DCC: variants seen among roughly 807,000 people sequenced by gnomAD.
DCC encodes the protein netrin receptor DCC.
Under a neutral mutation model 172.5 loss-of-function variants are expected in DCC, and 58 were observed. That is an observed-to-expected ratio of 0.34 (90% CI 0.27 to 0.42). The LOEUF (loss-of-function observed/expected upper bound fraction) is 0.42. Ranked by LOEUF, DCC falls within the 10% of genes least tolerant of loss-of-function variation. The probability of loss-of-function intolerance (pLI) is 1.00; values close to 1 mark genes in which losing one functional copy is unlikely to be tolerated. For synonymous variants in DCC, 709 were observed against 644.5 expected (o/e 1.10, Z -1.52); for missense variants, 1,740 against 1,791.0 (o/e 0.97, Z 0.51).
chr18:53,302,198 ATTC>A (rs750801977), intron 12 of DCC, among the ~76,000 whole-genome samples: 1 of 152,082 alleles, frequency 6.6e-6, no homozygotes, highest in Non-Finnish European at 1.5e-5. Flanking sequence ...ATTCAGTCAG[ATTC>A]TTCTAAGATA....
intron 1 of DCC, among the ~76,000 whole-genome samples, chr18:52,736,295 AC>A (rs2036728122): frequency 6.6e-6 from 1 of 151,398 alleles, no homozygotes; most frequent in South Asian, 2.1e-4. Flanking sequence ...AAAAAAAAAA[AC>A]AGAAAAATCA....
intron 26 of DCC, among the ~76,000 whole-genome samples, chr18:53,489,118 T>TTTTA (rs2045933667): frequency 6.6e-6 from 1 of 152,200 alleles, no homozygotes; most frequent in Admixed American, 6.5e-5. Context: ...TAGAAGATGT[T>TTTTA]TTTATTTTTT....
At chr18:52,686,414 G>T (rs2035836040) in intron 1 of DCC, among the ~76,000 whole-genome samples, 1 of 152,098 alleles carries the variant, frequency 6.6e-6, no homozygotes, top group South Asian at 2.1e-4. Flanking sequence ...TTCCTAGTTT[G>T]GGGGCACTGC....
In DCC at chr18:53,260,013, C is replaced by T. The variant is rs190019654; in HGVS notation, c.1911+44416C>T. ...AGCAAATTGGCTACTGAGGCTTTTG[C>T]ATTCGTCATGTATTTCTCGTGCCAT... On this transcript the variant is annotated intron_variant, in intron 12 of 28. Coordinates refer to ENST00000442544, the MANE Select transcript of DCC (RefSeq NM_005215.4). 1.5e-4 allele frequency among the ~76,000 whole-genome samples: 23 copies of T among 152,282 alleles called. No homozygotes were observed. In the East Asian group the frequency reaches 3.3e-3, roughly 22 times the overall value.
chr18:52,875,789 T>C (rs145832376), intron 2 of DCC, among the ~76,000 whole-genome samples: 157 of 152,324 alleles, frequency 1.0e-3, no homozygotes, highest in Non-Finnish European at 2.0e-3. Flanking sequence ...GACGGCACTA[T>C]CTTTTGGAGC....
At chr18:52,940,248 G>T (rs1412948450) in intron 5 of DCC, among the ~76,000 whole-genome samples, 1 of 152,152 alleles carries the variant, frequency 6.6e-6, no homozygotes, top group Non-Finnish European at 1.5e-5. Context: ...TAAAATGATG[G>T]ATCTCTTATT....
At chr18:52,597,251 A>T (rs1173971644) in intron 1 of DCC, among the ~76,000 whole-genome samples, 1 of 152,140 alleles carries the variant, frequency 6.6e-6, no homozygotes, top group Non-Finnish European at 1.5e-5. Context: ...ACCTGTCAGA[A>T]CTGGATCTGA....
At chr18:53,110,327 T>A (rs1568310610) in intron 7 of DCC, among the ~76,000 whole-genome samples, 1 of 151,726 alleles carries the variant, frequency 6.6e-6, no homozygotes, top group African/African-American at 2.4e-5. Context: ...CTCTTCTCAG[T>A]GTTATGTGGG....
intron 1 of DCC, among the ~76,000 whole-genome samples, chr18:52,579,508 T>C (rs999029492): frequency 1.3e-5 from 2 of 152,174 alleles, no homozygotes; most frequent in African/African-American, 4.8e-5. Flanking sequence ...GATAAATCTT[T>C]TATTGTGTAG....
chr18:52,657,138 CA>C (rs758239693), intron 1 of DCC, among the ~76,000 whole-genome samples: 72 of 152,158 alleles, frequency 4.7e-4, no homozygotes, highest in Admixed American at 4.6e-4. Context: ...TGTGCTGAGA[CA>C]AAAACCAAGC....
intron 18 of DCC, among the ~76,000 whole-genome samples, chr18:53,401,411 C>G (rs887668440): frequency 2.0e-5 from 3 of 152,030 alleles, no homozygotes; most frequent in African/African-American, 7.3e-5. Context: ...AACCTGGAAT[C>G]CCAGTGACTT....
At chr18:53,205,774 T>C (rs2055616672) in intron 10 of DCC, among the ~76,000 whole-genome samples, 1 of 152,112 alleles carries the variant, frequency 6.6e-6, no homozygotes, top group Non-Finnish European at 1.5e-5. Context: ...GACATTTATA[T>C]CTAACTCCCT....
chr18:52,868,413 T>A (rs753768898), intron 2 of DCC, among the ~76,000 whole-genome samples: 2 of 152,156 alleles, frequency 1.3e-5, no homozygotes, highest in Non-Finnish European at 2.9e-5. Flanking sequence ...GTATGGCATT[T>A]GTATGCGTGT....
chr18:53,501,811 T>C (rs2046103142), intron 27 of DCC, among the ~76,000 whole-genome samples: 1 of 152,174 alleles, frequency 6.6e-6, no homozygotes, highest in Non-Finnish European at 1.5e-5. Flanking sequence ...AGTGCTACAA[T>C]AACAAAAGGA....
At chr18:53,107,854 C>G (rs1388212333) in intron 7 of DCC, among the ~76,000 whole-genome samples, 1 of 151,740 alleles carries the variant, frequency 6.6e-6, no homozygotes, top group South Asian at 2.1e-4. Context: ...TATTTAAGCT[C>G]AAAATACATT....
chr18:53,341,209 AACAG>A (rs1366590975), intron 15 of DCC, among the ~76,000 whole-genome samples: 1 of 152,168 alleles, frequency 6.6e-6, no homozygotes, highest in Non-Finnish European at 1.5e-5. Context: ...GATGCCACTC[AACAG>A]ACAGAGGGAG....
chr18:53,008,050 C>T (rs759770501), intron 5 of DCC, among the ~76,000 whole-genome samples: 4 of 152,244 alleles, frequency 2.6e-5, no homozygotes, highest in African/African-American at 7.2e-5. Context: ...AACTATGAAG[C>T]AACACCAGAA....
chr18:53,124,480 G>A (rs948369884), intron 7 of DCC, among the ~76,000 whole-genome samples: 13 of 152,030 alleles, frequency 8.6e-5, no homozygotes, highest in African/African-American at 2.9e-4. Flanking sequence ...CAAGGAAAAG[G>A]ACTGGAAAAT....
intron 1 of DCC, among the ~76,000 whole-genome samples, chr18:52,377,475 G>T (rs1252335920): frequency 2.0e-5 from 3 of 152,066 alleles, no homozygotes; most frequent in Admixed American, 6.6e-5. Flanking sequence ...TTCATTGTTA[G>T]TAAGCCCCTG....
Sources: gnomAD v4.1 joint callset for allele counts (sites outside exome capture counted in the v4.1 genomes callset) on GRCh38, gnomAD v4.1.1 for gene constraint, MANE v1.5 for transcripts, NCBI Gene and HGNC (gene_info 2026-07-23, HGNC 2026-07-21) for gene names.